FOCAD: variants seen among roughly 807,000 people sequenced by gnomAD.
FOCAD encodes the protein KIAA1797.
A neutral mutation model predicts 225.6 loss-of-function variants in FOCAD; 198 were observed. The ratio of observed to expected loss-of-function variants is 0.88; its 90% CI spans 0.78 to 0.99. The LOEUF (loss-of-function observed/expected upper bound fraction) is 0.99, where lower values mean the gene tolerates loss of function less well. Ranked by LOEUF, FOCAD falls within the 50% of genes least tolerant of loss-of-function variation. FOCAD has a pLI of 0.00. For synonymous variants in FOCAD, 897 were observed against 755.0 expected, an observed-to-expected ratio of 1.19 and a Z score of -3.08; for missense variants, 2,713 against 2,123.6, an observed-to-expected ratio of 1.28 and a Z score of -5.46.
At chr9:20,934,544 C>T (rs1835777933) in intron 28 of FOCAD, among the ~76,000 whole-genome samples, 1 of 151,660 alleles carries the variant, frequency 6.6e-6, no homozygotes, top group South Asian at 2.1e-4. Context: ...GTTGAAGATC[C>T]GTTGGCTGTA....
chr9:20,674,569 G>C (rs144042552), intron 2 of FOCAD, among the ~76,000 whole-genome samples: 1 of 152,338 alleles, frequency 6.6e-6, no homozygotes, highest in East Asian at 1.9e-4. Context: ...AACCCTTGCT[G>C]AGAGCACATC....
At chr9:20,924,221 A>G (rs1834733247) in intron 25 of FOCAD, among the ~76,000 whole-genome samples, 2 of 152,202 alleles carry the variant, frequency 1.3e-5, no homozygotes, top group Admixed American at 1.3e-4. Flanking sequence ...TGAGCTGGCC[A>G]CTGTTCATTT....
rs541253868 is a variant in FOCAD at position 20,731,130 on chromosome 9, C to T, written c.288-9106C>T. ...GTGCGTGCCTGTAATCCCTCCTACT[C>T]GGGAGGCTGAGGCAGGAGAATCTCT... is the stretch of plus-strand genomic sequence containing the variant. On this transcript the variant is annotated intron_variant, in intron 4 of 43. Transcript: ENST00000338382. Among the ~76,000 whole-genome samples the T allele has an allele frequency of 1.5e-3, 232 of 152,044 alleles. 1 individual carries two copies. Among genetic ancestry groups the T allele is most frequent in the African/African-American group, 5.2e-3 (216 of 41,476 alleles).
chr9:20,684,924 G>C (rs575562766), intron 1 of FOCAD, among the ~76,000 whole-genome samples: 1 of 152,372 alleles, frequency 6.6e-6, no homozygotes, highest in South Asian at 2.1e-4. Context: ...TTTCGCAGCA[G>C]CTAACGCGTG....
At chr9:20,934,124 T>C (rs1270615543) in intron 28 of FOCAD, among the ~76,000 whole-genome samples, 1 of 152,154 alleles carries the variant, frequency 6.6e-6, no homozygotes, top group Admixed American at 6.5e-5. Flanking sequence ...GTCAGTTGTA[T>C]ATAGATTGTG....
At chr9:20,693,940 A>C (rs1359861035) in intron 1 of FOCAD, among the ~76,000 whole-genome samples, 1 of 152,140 alleles carries the variant, frequency 6.6e-6, no homozygotes, top group Non-Finnish European at 1.5e-5. Flanking sequence ...CGAACTCTTG[A>C]CTTCAAGTGA....
intron 15 of FOCAD, among the ~76,000 whole-genome samples, chr9:20,857,785 G>GGTT (rs1554707737): frequency 3.1e-4 from 33 of 106,064 alleles, no homozygotes; most frequent in African/African-American, 9.0e-4. Context: ...TTTTTTTTGA[G>GGTT]TTTTTTTTTT....
intron 8 of FOCAD, among the ~76,000 whole-genome samples, chr9:20,776,991 C>T (rs988805914): frequency 2.6e-5 from 4 of 152,028 alleles, no homozygotes; most frequent in Non-Finnish European, 4.4e-5. Context: ...TCATTGTTTT[C>T]GACTGTATTT....
chr9:20,929,681 A>AT, intron 27 of FOCAD, 85 bp downstream of exon 27: 2 of 1,059,980 alleles, frequency 1.9e-6, no homozygotes, highest in South Asian at 2.9e-5. Context: ...ATATATAAAC[A>AT]TTGTATCTGA....
At chr9:20,713,612 T>C (rs1221334593) in intron 1 of FOCAD, among the ~76,000 whole-genome samples, 21 of 152,244 alleles carry the variant, frequency 1.4e-4, no homozygotes, top group Admixed American at 1.4e-3. Flanking sequence ...GTAAGCTCCA[T>C]AAATGCAGAG....
intron 18 of FOCAD, among the ~76,000 whole-genome samples, chr9:20,872,532 C>T (rs751683828): frequency 7.1e-6 from 1 of 141,834 alleles, no homozygotes; most frequent in Non-Finnish European, 1.5e-5. Context: ...CTCCTCTTCC[C>T]CTCCCCCTCC....
At chr9:20,714,659 C>G (rs1403970473) in intron 1 of FOCAD, among the ~76,000 whole-genome samples, 2 of 143,992 alleles carry the variant, frequency 1.4e-5, no homozygotes, top group Non-Finnish European at 3.0e-5. Context: ...TTCCTTCCTT[C>G]CTTCCTTCCT....
intron 15 of FOCAD, among the ~76,000 whole-genome samples, chr9:20,825,523 A>G (rs929712261): frequency 6.6e-5 from 10 of 152,136 alleles, no homozygotes; most frequent in African/African-American, 1.9e-4. Context: ...GTATATAGAA[A>G]GACAGCCTAA....
chr9:20,859,230 AC>A (rs1374118480), intron 15 of FOCAD, among the ~76,000 whole-genome samples: 1 of 152,086 alleles, frequency 6.6e-6, no homozygotes, highest in African/African-American at 2.4e-5. Context: ...AATTAAAAAA[AC>A]ATTATCTGGG....
intron 3 of FOCAD, among the ~76,000 whole-genome samples, chr9:20,718,694 C>A (rs1825540981): frequency 2.0e-5 from 3 of 152,294 alleles, no homozygotes; most frequent in African/African-American, 7.2e-5. Flanking sequence ...AAACTCTGAT[C>A]CTAATCCTGC....
chr9:20,661,686 T>A (rs1281080186), intron 2 of FOCAD, among the ~76,000 whole-genome samples: 1 of 152,244 alleles, frequency 6.6e-6, no homozygotes, highest in African/African-American at 2.4e-5. Context: ...ATTTTCATAT[T>A]GCTAAACATA....
At position 20,770,106 on chromosome 9, in the gene FOCAD, T is replaced by G; in HGVS notation, c.774T>G (p.Pro258=). ...EEVCLSLLRH[P]VFWKIQLTQM... ...TATGTTTAAGCCTTTTGCGTCATCC[T>G]GTTTTCTGGAAAATTCAGCTTACCC... Residue 258 remains proline, a synonymous_variant, in exon 8 of 44, where the codon CCT becomes CCG. Coordinates refer to ENST00000338382, the MANE Select transcript of FOCAD (RefSeq NM_001375567.1). The G allele has an allele frequency of 6.2e-7, 1 of 1,614,146 alleles. No homozygotes were observed. The highest frequency in any genetic ancestry group is 8.5e-7 in the Non-Finnish European group (1 of 1,180,002).
intron 5 of FOCAD, among the ~76,000 whole-genome samples, chr9:20,750,590 C>T (rs1239772735): frequency 1.3e-5 from 2 of 152,058 alleles, no homozygotes; most frequent in African/African-American, 4.8e-5. Context: ...GACCTGACTG[C>T]CTGGTTTGTA....
At chr9:20,688,193 A>G (rs956266187) in intron 1 of FOCAD, among the ~76,000 whole-genome samples, 2 of 152,244 alleles carry the variant, frequency 1.3e-5, no homozygotes, top group African/African-American at 4.8e-5. Context: ...AAGAAAGTTA[A>G]CATCAGTTTC....
Sources: allele counts gnomAD v4.1 joint callset (sites outside exome capture counted in the v4.1 genomes callset), GRCh38; gene constraint gnomAD v4.1.1; transcripts MANE v1.5; gene names NCBI Gene and HGNC (gene_info 2026-07-23, HGNC 2026-07-21).